STARD13: variants seen among roughly 807,000 people sequenced by gnomAD.
The protein encoded by STARD13 is StAR related lipid transfer domain containing 13.
A neutral mutation model predicts 106.4 loss-of-function variants in STARD13; 62 were observed. The observed-to-expected ratio is 0.58, with a 90% confidence interval of 0.48 to 0.72. The LOEUF (loss-of-function observed/expected upper bound fraction) is 0.72. Ranked by LOEUF, STARD13 falls within the 30% of genes least tolerant of loss-of-function variation. The pLI is 0.00. For synonymous variants in STARD13, 565 were observed against 553.0 expected (o/e 1.02, Z -0.31); for missense variants, 1,387 against 1,424.0 (o/e 0.97, Z 0.42).
At chr13:33,287,732 C>T (rs188188907), upstream of STARD13, among the ~76,000 whole-genome samples, 1 of 152,248 alleles carries the variant, frequency 6.6e-6, no homozygotes, top group East Asian at 1.9e-4. Context: ...GTGCTTTCGG[C>T]TTGATGGTCC....
intron 1 of STARD13, among the ~76,000 whole-genome samples, chr13:33,193,757 A>C (rs955828344): frequency 6.6e-6 from 1 of 152,218 alleles, no homozygotes; most frequent in African/African-American, 2.4e-5. Context: ...AAAACAAAAA[A>C]GATCTTAACT....
At chr13:33,366,036 A>T in the STARD13 span, among the ~76,000 whole-genome samples, 1 of 151,994 alleles carries the variant, frequency 6.6e-6, no homozygotes, top group African/African-American at 2.4e-5. This position sits in a 1 kb window ranked among gnomAD's most constrained non-coding sequence, Gnocchi z 4.2. Context: ...AATGCCAGTT[A>T]GAGACTTTTA....
intron 12 of STARD13, among the ~76,000 whole-genome samples, chr13:33,107,862 TTGC>T (rs1241680673): frequency 7.9e-5 from 12 of 152,118 alleles, no homozygotes; most frequent in African/African-American, 2.9e-4. Flanking sequence ...TCATAATAGA[TTGC>T]ATTATTAGAA....
the STARD13 span, among the ~76,000 whole-genome samples, chr13:33,654,370 A>AG: frequency 6.6e-6 from 1 of 152,202 alleles, no homozygotes; most frequent in African/African-American, 2.4e-5. Flanking sequence ...GAAACACAAA[A>AG]GGGTACATAC....
chr13:33,210,279 G>T (rs546951478), intron 1 of STARD13, among the ~76,000 whole-genome samples: 1 of 152,260 alleles, frequency 6.6e-6, no homozygotes, highest in Non-Finnish European at 1.5e-5. Context: ...TGCAAATTCC[G>T]GCAAGAGTAA....
intron 1 of STARD13, among the ~76,000 whole-genome samples, chr13:33,182,519 G>T (rs1179245668): frequency 6.6e-6 from 1 of 151,964 alleles, no homozygotes. Context: ...GGCTTCCCCG[G>T]ACCACATTGG....
At chr13:33,455,421 C>T in the STARD13 span, among the ~76,000 whole-genome samples, 1 of 152,094 alleles carries the variant, frequency 6.6e-6, no homozygotes, top group Non-Finnish European at 1.5e-5. Context: ...CCCATATTAC[C>T]TTTTACACCC....
chr13:33,648,883 C>G, the STARD13 span, among the ~76,000 whole-genome samples: 30 of 146,370 alleles, frequency 2.0e-4, no homozygotes, highest in African/African-American at 7.4e-4. Context: ...CCTCCGCCTC[C>G]CAGGTTCAAG....
chr13:33,246,772 G>A (rs916831327), intron 1 of STARD13, among the ~76,000 whole-genome samples: 1 of 152,182 alleles, frequency 6.6e-6, no homozygotes, highest in African/African-American at 2.4e-5. Context: ...GATTTCAAAA[G>A]CAAAAAGAAT....
At chr13:33,663,109 C>T in the STARD13 span, among the ~76,000 whole-genome samples, 1 of 152,076 alleles carries the variant, frequency 6.6e-6, no homozygotes, top group Non-Finnish European at 1.5e-5. Context: ...GATAGGGTCT[C>T]ATTCTGTCAC....
At chr13:33,308,947 C>T (rs1893030149) in intron 1 of STARD13, among the ~76,000 whole-genome samples, 1 of 152,210 alleles carries the variant, frequency 6.6e-6, no homozygotes, top group Non-Finnish European at 1.5e-5. Context: ...TGAGCTTCTT[C>T]CAAGCTCTGA....
the STARD13 span, among the ~76,000 whole-genome samples, chr13:33,541,859 T>C: frequency 6.6e-6 from 1 of 152,236 alleles, no homozygotes; most frequent in Non-Finnish European, 1.5e-5. Flanking sequence ...CTTGGTTGTT[T>C]CCTTGCAGCA....
At chr13:33,350,676 C>T, upstream of STARD13, 1 of 1,163,044 alleles carries the variant, frequency 8.6e-7, no homozygotes, top group Non-Finnish European at 1.1e-6. Flanking sequence ...CACTTTCCTT[C>T]TCCTCCCCTC....
the STARD13 span, among the ~76,000 whole-genome samples, chr13:33,553,354 T>C: frequency 6.6e-6 from 1 of 151,982 alleles, no homozygotes; most frequent in African/African-American, 2.4e-5. Flanking sequence ...TAAAGTAATT[T>C]TAAGTAGCAT....
intron 8 of STARD13, among the ~76,000 whole-genome samples, chr13:33,114,763 A>T (rs1457595108): frequency 6.6e-6 from 1 of 152,010 alleles, no homozygotes; most frequent in Non-Finnish European, 1.5e-5. Flanking sequence ...TCATCTCTAT[A>T]TGTTGTCTCA....
chr13:33,449,041 T>C, the STARD13 span, among the ~76,000 whole-genome samples: 1 of 152,042 alleles, frequency 6.6e-6, no homozygotes, highest in African/African-American at 2.4e-5. Flanking sequence ...ATGCTGTCTC[T>C]TTGCTTTGTT....
At chr13:33,139,119 A>G (rs1879471240) in intron 4 of STARD13, among the ~76,000 whole-genome samples, 1 of 152,224 alleles carries the variant, frequency 6.6e-6, no homozygotes, top group Admixed American at 6.5e-5. Context: ...GGCAAGAACC[A>G]TGCCTCTTAT....
At chr13:33,147,141 G>A (rs1880655403) in intron 3 of STARD13, among the ~76,000 whole-genome samples, 1 of 152,218 alleles carries the variant, frequency 6.6e-6, no homozygotes, top group African/African-American at 2.4e-5. Flanking sequence ...CATGGCAGTT[G>A]CCTGAAATGG....
chr13:33,482,016 T>C, the STARD13 span, among the ~76,000 whole-genome samples: 1 of 149,986 alleles, frequency 6.7e-6, no homozygotes, highest in East Asian at 2.0e-4. Context: ...AAAAAAGAAA[T>C]AGAAGCACTG....
Sources: gnomAD v4.1 joint callset for allele counts (sites outside exome capture counted in the v4.1 genomes callset) on GRCh38, gnomAD v4.1.1 for gene constraint, Gnocchi (gnomAD v3.1) non-coding constraint, MANE v1.5 for transcripts, NCBI Gene and HGNC (gene_info 2026-07-23, HGNC 2026-07-21) for gene names.